DLC1: variants seen among roughly 807,000 people sequenced by gnomAD.
DLC1 encodes the protein DLC1 Rho GTPase activating protein, also known as rho GTPase-activating protein 7.
In DLC1, 54 loss-of-function variants were observed where a neutral mutation model predicts 140.3. That is an observed-to-expected ratio of 0.38 (90% CI 0.31 to 0.48). DLC1 has a LOEUF of 0.48. Among genes scored for constraint, DLC1 ranks in the 20% least tolerant of loss-of-function variants. The probability of loss-of-function intolerance (pLI) is 0.96; values close to 1 mark genes in which losing one functional copy is unlikely to be tolerated. For missense variants in DLC1, 2,536 were observed against 1,907.0 expected (o/e 1.33, Z -6.14); for synonymous variants, 986 against 728.1 (o/e 1.35, Z -5.70).
At chr8:13,539,750 A>T (rs868576417) in intron 1 of DLC1, among the ~76,000 whole-genome samples, 1 of 147,176 alleles carries the variant, frequency 6.8e-6, no homozygotes, top group Non-Finnish European at 1.5e-5. Context: ...ATGTGTGTGT[A>T]TGTGTGTGTG....
At chr8:13,281,624 G>C (rs1228886488) in intron 5 of DLC1, among the ~76,000 whole-genome samples, 2 of 152,120 alleles carry the variant, frequency 1.3e-5, no homozygotes, top group South Asian at 2.1e-4. Flanking sequence ...TGGTGATCAA[G>C]GTTCAGAGAC....
chr8:13,546,135 A>G (rs1803641352), intron 1 of DLC1, among the ~76,000 whole-genome samples: 1 of 152,112 alleles, frequency 6.6e-6, no homozygotes, highest in Non-Finnish European at 1.5e-5. Context: ...TGCTATTTAT[A>G]GGGCTCATGG....
intron 4 of DLC1, among the ~76,000 whole-genome samples, chr8:13,308,079 G>A (rs1300526843): frequency 6.6e-6 from 1 of 152,142 alleles, no homozygotes; most frequent in Non-Finnish European, 1.5e-5. Context: ...GTTGACCAGT[G>A]ACAAAAACAA....
intron 2 of DLC1, among the ~76,000 whole-genome samples, chr8:13,450,929 C>G (rs1183043024): frequency 6.7e-6 from 1 of 149,754 alleles, no homozygotes; most frequent in Non-Finnish European, 1.5e-5. Context: ...GTCCCAGCTA[C>G]TCTGGAGGCT....
chr8:13,532,407 A>G (rs1210060786), intron 1 of DLC1, among the ~76,000 whole-genome samples: 1 of 152,234 alleles, frequency 6.6e-6, no homozygotes, highest in Non-Finnish European at 1.5e-5. Flanking sequence ...TAAGAACATG[A>G]ATGGCAAAAC....
chr8:13,402,659 A>T (rs778088368), intron 2 of DLC1, among the ~76,000 whole-genome samples: 7 of 152,256 alleles, frequency 4.6e-5, no homozygotes, highest in Non-Finnish European at 1.0e-4. Flanking sequence ...GGAAAAATAC[A>T]TCTTGACAGA....
At chr8:13,258,038 A>G (rs1324309939) in intron 5 of DLC1, among the ~76,000 whole-genome samples, 2 of 152,256 alleles carry the variant, frequency 1.3e-5, no homozygotes, top group African/African-American at 4.8e-5. Flanking sequence ...AGGAGCCACA[A>G]TTAAGTAACT....
At chr8:13,496,189 C>A (rs1297410930) in intron 2 of DLC1, among the ~76,000 whole-genome samples, 2 of 152,088 alleles carry the variant, frequency 1.3e-5, no homozygotes, top group Admixed American at 1.3e-4. Context: ...TCTTCTAAAC[C>A]AGTTGCACTA....
chr8:13,580,716 A>G (rs1805064919), intron 1 of DLC1, among the ~76,000 whole-genome samples: 2 of 152,242 alleles, frequency 1.3e-5, no homozygotes, highest in Non-Finnish European at 2.9e-5. Flanking sequence ...CAAACTTTTA[A>G]GATCCTATTT....
At position 13,356,805 on chromosome 8, in the gene DLC1, T is replaced by C. The variant is rs1834961030; in HGVS notation, c.1314+36748A>G. Among the ~76,000 whole-genome samples the C allele has an allele frequency of 1.3e-5, 2 of 152,130 alleles. 1 individual carries two copies. The highest frequency in any genetic ancestry group is 1.3e-4 in the Admixed American group (2 of 15,274). ...GGTCTCCGTACTTCCTGATCAATGC[T>C]GTTTCTATTCCTGGACCACACTTCA... On this transcript the variant is annotated intron_variant, in intron 4 of 17. Transcript: ENST00000276297.
intron 5 of DLC1, chr8:13,160,247 T>G (rs769645433): frequency 1.3e-5 from 2 of 152,124 alleles, no homozygotes; most frequent in African/African-American, 4.8e-5. Context: ...TTGTTCCTTC[T>G]CCACGCCCGC....
At chr8:13,107,837 G>T (rs906009105) in intron 7 of DLC1, among the ~76,000 whole-genome samples, 3 of 152,102 alleles carry the variant, frequency 2.0e-5, no homozygotes, top group Non-Finnish European at 2.9e-5. Flanking sequence ...TGGATCAGGA[G>T]TTCAAGACCA....
intron 5 of DLC1, among the ~76,000 whole-genome samples, chr8:13,269,185 T>C (rs777846832): frequency 6.6e-6 from 1 of 152,172 alleles, no homozygotes; most frequent in Non-Finnish European, 1.5e-5. Flanking sequence ...ATTCATATTC[T>C]AAGAAAGCAC....
intron 2 of DLC1, among the ~76,000 whole-genome samples, chr8:13,495,505 C>T (rs1023290941): frequency 2.6e-5 from 4 of 152,174 alleles, no homozygotes; most frequent in African/African-American, 9.6e-5. Flanking sequence ...GTTTGGTTTT[C>T]CTTTGATATC....
chr8:13,567,032 C>A (rs1411365682), intron 1 of DLC1: 35 of 1,551,038 alleles, frequency 2.3e-5, no homozygotes, highest in Non-Finnish European at 3.1e-5. Context: ...GACAAAAGTG[C>A]TCTTGCAAAC....
intron 5 of DLC1, among the ~76,000 whole-genome samples, chr8:13,289,758 T>G (rs959197724): frequency 1.1e-4 from 16 of 152,204 alleles, no homozygotes; most frequent in Admixed American, 9.2e-4. Context: ...AATAAGAACC[T>G]TGTTCCAATA....
chr8:13,326,461 T>A (rs547245674), intron 4 of DLC1, among the ~76,000 whole-genome samples: 1 of 152,286 alleles, frequency 6.6e-6, no homozygotes, highest in East Asian at 1.9e-4. Flanking sequence ...CATATAATTG[T>A]GCATATAGTC....
intron 1 of DLC1, among the ~76,000 whole-genome samples, chr8:13,505,714 T>C (rs78513992): frequency 6.6e-6 from 1 of 152,208 alleles, no homozygotes; most frequent in Non-Finnish European, 1.5e-5. Flanking sequence ...ATGTCACCAA[T>C]GTCAGCACAA....
chr8:13,583,349 T>A (rs1249972986), intron 1 of DLC1, among the ~76,000 whole-genome samples: 5 of 152,166 alleles, frequency 3.3e-5, no homozygotes, highest in Non-Finnish European at 7.3e-5. Context: ...CAGGAGTAGA[T>A]TTCATCTCAA....
Sources: allele counts gnomAD v4.1 joint callset (sites outside exome capture counted in the v4.1 genomes callset), GRCh38; gene constraint gnomAD v4.1.1; transcripts MANE v1.5; gene names NCBI Gene and HGNC (gene_info 2026-07-23, HGNC 2026-07-21).